Variants in GMDS observed in about 807,000 individuals in gnomAD.
GMDS encodes the protein GDP-mannose 4,6-dehydratase.
GMDS carries 20 observed loss-of-function variants against 49.9 expected under a neutral mutation model. The observed-to-expected ratio is 0.40, with a 90% CI of 0.28 to 0.58. GMDS has a LOEUF of 0.58. Ranked by LOEUF, GMDS falls within the 20% of genes least tolerant of loss-of-function variation. GMDS has a pLI of 0.42. For synonymous variants in GMDS, 177 were observed against 178.6 expected, an observed-to-expected ratio of 0.99 and a Z score of 0.07; for missense variants, 362 against 481.4, an observed-to-expected ratio of 0.75 and a Z score of 2.32.
chr6:2,201,135 G>A (rs563068569), intron 1 of GMDS, among the ~76,000 whole-genome samples: 10 of 122,546 alleles, frequency 8.2e-5, no homozygotes, highest in African/African-American at 1.6e-4. Context: ...CACCACATGA[G>A]CATCCGAGAT....
chr6:2,173,767 C>T (rs1778137246), intron 1 of GMDS, among the ~76,000 whole-genome samples: 1 of 152,124 alleles, frequency 6.6e-6, no homozygotes, highest in Admixed American at 6.5e-5. Flanking sequence ...TGCAATAAGC[C>T]CATATTCAGA....
intron 9 of GMDS, among the ~76,000 whole-genome samples, chr6:1,670,361 T>G (rs1581436908): frequency 2.0e-5 from 3 of 147,186 alleles, no homozygotes; most frequent in East Asian, 3.9e-4. Flanking sequence ...TGTTTCTGGG[T>G]TTTTTTTGGT....
At chr6:1,723,834 T>C (rs905027837) in intron 9 of GMDS, among the ~76,000 whole-genome samples, 1 of 152,208 alleles carries the variant, frequency 6.6e-6, no homozygotes, top group East Asian at 1.9e-4. Context: ...AAGTTGAATG[T>C]AGACAAACCT....
intron 4 of GMDS, among the ~76,000 whole-genome samples, chr6:2,079,013 C>CGT (rs1562035149): frequency 7.3e-5 from 6 of 82,138 alleles, no homozygotes; most frequent in Non-Finnish European, 8.4e-5. Flanking sequence ...TGCATAATGA[C>CGT]CTTGTCTTTT....
At chr6:2,132,138 A>G (rs1008524388) in intron 1 of GMDS, among the ~76,000 whole-genome samples, 3 of 152,192 alleles carry the variant, frequency 2.0e-5, no homozygotes, top group Non-Finnish European at 2.9e-5. Context: ...CTCAGGGTCT[A>G]ATAGTTAGTA....
chr6:1,824,298 G>A (rs996643879), intron 7 of GMDS, among the ~76,000 whole-genome samples: 12 of 152,102 alleles, frequency 7.9e-5, no homozygotes, highest in Admixed American at 5.9e-4. Flanking sequence ...TCCATGCAAC[G>A]TGACGGAAAC....
chr6:2,007,208 G>A (rs1173899969), intron 4 of GMDS, among the ~76,000 whole-genome samples: 1 of 152,138 alleles, frequency 6.6e-6, no homozygotes, highest in African/African-American at 2.4e-5. Context: ...ATTATCCCAT[G>A]AAACCACAAC....
intron 4 of GMDS, among the ~76,000 whole-genome samples, chr6:2,031,265 G>C (rs1340642470): frequency 6.6e-6 from 1 of 152,232 alleles, no homozygotes; most frequent in Non-Finnish European, 1.5e-5. Context: ...CCACACAGGA[G>C]TGCCACTGGG....
intron 9 of GMDS, among the ~76,000 whole-genome samples, chr6:1,638,226 G>A (rs1162211012): frequency 6.6e-6 from 1 of 152,058 alleles, no homozygotes; most frequent in Non-Finnish European, 1.5e-5. Context: ...AATGAGCATG[G>A]TCTCTTCATG....
At chr6:2,050,048 T>C (rs1055865794) in intron 4 of GMDS, among the ~76,000 whole-genome samples, 2 of 151,900 alleles carry the variant, frequency 1.3e-5, no homozygotes, top group East Asian at 1.9e-4. Flanking sequence ...CTGAAAGACA[T>C]AGAGACACAA....
chr6:1,869,142 G>A (rs996004500), intron 7 of GMDS, among the ~76,000 whole-genome samples: 2 of 152,198 alleles, frequency 1.3e-5, no homozygotes, highest in South Asian at 4.1e-4. Flanking sequence ...GGGGGAGATA[G>A]CTCACGCTGC....
chr6:2,018,751 G>T (rs1412855110), intron 4 of GMDS, among the ~76,000 whole-genome samples: 2 of 152,112 alleles, frequency 1.3e-5, no homozygotes, highest in East Asian at 3.9e-4. Context: ...GAACATTTGT[G>T]TTGTTTTCAT....
chr6:2,149,537 C>A (rs1776742366), intron 1 of GMDS, among the ~76,000 whole-genome samples: 1 of 152,152 alleles, frequency 6.6e-6, no homozygotes, highest in Non-Finnish European at 1.5e-5. Context: ...AGAAACTAGG[C>A]AGCGTGGAGC....
chr6:2,210,225 G>T (rs890993275), intron 1 of GMDS, among the ~76,000 whole-genome samples: 9 of 152,056 alleles, frequency 5.9e-5, no homozygotes, highest in African/African-American at 1.4e-4. Context: ...AGCATCCCAG[G>T]TCCACCACAC....
intron 4 of GMDS, among the ~76,000 whole-genome samples, chr6:2,020,813 A>G (rs574906381): frequency 6.6e-6 from 1 of 152,362 alleles, no homozygotes; most frequent in South Asian, 2.1e-4. Context: ...ACAGCTACTC[A>G]TAAGGAAGAA....
intron 7 of GMDS, among the ~76,000 whole-genome samples, chr6:1,880,336 T>C (rs1444340098): frequency 6.7e-6 from 1 of 150,368 alleles, no homozygotes; most frequent in Non-Finnish European, 1.5e-5. Context: ...TGCACGTTTG[T>C]TGCCCCAGCT....
chr6:1,839,541 C>T (rs546806647), intron 7 of GMDS, among the ~76,000 whole-genome samples: 5 of 152,088 alleles, frequency 3.3e-5, no homozygotes, highest in Non-Finnish European at 7.4e-5. Context: ...ACATTTAACC[C>T]CTGACCCTTA....
intron 4 of GMDS, among the ~76,000 whole-genome samples, chr6:2,083,714 T>C (rs1772847539): frequency 6.6e-6 from 1 of 152,216 alleles, no homozygotes; most frequent in African/African-American, 2.4e-5. Flanking sequence ...CAAACCTTCA[T>C]GCAATTTGAG....
At chr6:1,951,153 A>C (rs1248139178) in intron 6 of GMDS, among the ~76,000 whole-genome samples, 2 of 151,558 alleles carry the variant, frequency 1.3e-5, no homozygotes, top group Admixed American at 6.6e-5. Context: ...TTTAAAAAAC[A>C]AATCAAAAGG....
Sources: allele counts gnomAD v4.1 joint callset (sites outside exome capture counted in the v4.1 genomes callset), GRCh38; gene constraint gnomAD v4.1.1; transcripts MANE v1.5; gene names NCBI Gene and HGNC (gene_info 2026-07-23, HGNC 2026-07-21).